TBC1D19: variants seen among roughly 807,000 people sequenced by gnomAD.
The protein encoded by TBC1D19 is TBC1 domain family member 19, also known as TBC1 domain family, member 19.
In TBC1D19, 60 loss-of-function variants were observed where a neutral mutation model predicts 89.0. That is an observed-to-expected ratio of 0.67 (90% CI 0.55 to 0.84). The LOEUF (loss-of-function observed/expected upper bound fraction) is 0.84, where lower values mean the gene tolerates loss of function less well. Ranked by LOEUF, TBC1D19 falls within the 40% of genes least tolerant of loss-of-function variation. The pLI, the probability that TBC1D19 is intolerant of heterozygous loss-of-function variation, is 0.00. For missense variants in TBC1D19, 500 were observed against 610.8 expected, an observed-to-expected ratio of 0.82 and a Z score of 1.91; for synonymous variants, 189 against 199.7, an observed-to-expected ratio of 0.95 and a Z score of 0.45.
At chr4:26,806,449 A>G in the TBC1D19 span, among the ~76,000 whole-genome samples, 1 of 152,180 alleles carries the variant, frequency 6.6e-6, no homozygotes, top group Non-Finnish European at 1.5e-5. Context: ...AGTTCAATCA[A>G]TGTCAGATAT....
intron 4 of TBC1D19, among the ~76,000 whole-genome samples, chr4:26,621,822 T>C (rs1742066387): frequency 6.6e-6 from 1 of 152,008 alleles, no homozygotes; most frequent in Admixed American, 6.6e-5. Context: ...TTTTTTTTGT[T>C]ATAAAGATTT....
chr4:26,587,576 CAAAAA>C (rs34107105), intron 1 of TBC1D19, among the ~76,000 whole-genome samples: 2 of 119,004 alleles, frequency 1.7e-5, no homozygotes, highest in South Asian at 2.8e-4. Context: ...GACCTTGTCT[CAAAAA>C]AAAAAAAAAA....
At chr4:26,672,231 C>T in intron 10 of TBC1D19, 44 bp downstream of exon 10, 1 of 1,289,038 alleles carries the variant, frequency 7.8e-7, no homozygotes. Context: ...AAAAGTGAGA[C>T]AGTCCCAGCT....
chr4:26,821,934 A>G, the TBC1D19 span, among the ~76,000 whole-genome samples: 7 of 152,216 alleles, frequency 4.6e-5, no homozygotes, highest in Non-Finnish European at 1.0e-4. Context: ...TTGACATTTT[A>G]TGACACTTTG....
intron 9 of TBC1D19, among the ~76,000 whole-genome samples, chr4:26,667,254 A>G (rs1364139615): frequency 1.3e-5 from 2 of 152,042 alleles, no homozygotes; most frequent in Non-Finnish European, 2.9e-5. Flanking sequence ...CATATAAAAG[A>G]ATACATCTAT....
chr4:26,609,714 G>T (rs1402004378), intron 1 of TBC1D19, among the ~76,000 whole-genome samples: 1 of 152,142 alleles, frequency 6.6e-6, no homozygotes, highest in Non-Finnish European at 1.5e-5. Flanking sequence ...TAGACTTCTT[G>T]TGTAAGCTGT....
At chr4:26,676,960 C>T (rs1227127429) in intron 11 of TBC1D19, among the ~76,000 whole-genome samples, 2 of 152,114 alleles carry the variant, frequency 1.3e-5, no homozygotes, top group African/African-American at 4.8e-5. Context: ...TACCTCAAAT[C>T]TATATGCCTT....
At chr4:26,833,455 C>T in the TBC1D19 span, among the ~76,000 whole-genome samples, 1 of 152,194 alleles carries the variant, frequency 6.6e-6, no homozygotes, top group Admixed American at 6.5e-5. Flanking sequence ...TGGTAGTCAA[C>T]TCCTCTGGCC....
the TBC1D19 span, among the ~76,000 whole-genome samples, chr4:26,766,183 A>C: frequency 6.6e-6 from 1 of 152,202 alleles, no homozygotes; most frequent in African/African-American, 2.4e-5. Context: ...GAAAGAACTG[A>C]ATACATGTCT....
chr4:26,719,747 G>A (rs1397867015), intron 14 of TBC1D19, among the ~76,000 whole-genome samples: 1 of 152,064 alleles, frequency 6.6e-6, no homozygotes. Flanking sequence ...TTAATGAATA[G>A]ATTAGACTTA....
intron 7 of TBC1D19, among the ~76,000 whole-genome samples, chr4:26,645,732 G>T (rs1743871374): frequency 6.6e-6 from 1 of 152,118 alleles, no homozygotes; most frequent in Non-Finnish European, 1.5e-5. Flanking sequence ...TACAGAATGG[G>T]AGAAAATTTT....
chr4:26,651,436 C>A lies in TBC1D19; in HGVS notation c.481-8161C>A, dbSNP rs564878673. ...CTCCTTCAAGAGGTCCTTCACATCCCTTGTAAGTTGGATTCCTAGGTATTT... is the reference window on the plus strand; with the variant it reads ...CTCCTTCAAGAGGTCCTTCACATCCATTGTAAGTTGGATTCCTAGGTATTT... On this transcript the variant is annotated intron_variant, in intron 7 of 20. Coordinates refer to ENST00000264866, the MANE Select transcript of TBC1D19 (RefSeq NM_018317.4). Among the ~76,000 whole-genome samples the A allele has an allele frequency of 3.9e-5, 6 of 152,234 alleles. No individual in the cohort carries two copies. The East Asian group carries it at 1.2e-3, about 29-fold the overall frequency.
intron 15 of TBC1D19, among the ~76,000 whole-genome samples, chr4:26,727,973 A>C (rs1171019951): frequency 6.6e-6 from 1 of 152,188 alleles, no homozygotes; most frequent in Non-Finnish European, 1.5e-5. Flanking sequence ...GAAGCTATAG[A>C]TTTCAGAACT....
At chr4:26,662,196 C>T (rs757383372) in intron 8 of TBC1D19, among the ~76,000 whole-genome samples, 3 of 152,104 alleles carry the variant, frequency 2.0e-5, no homozygotes, top group Non-Finnish European at 4.4e-5. Context: ...ACATGTTAAC[C>T]ATTTATTCCC....
the TBC1D19 span, among the ~76,000 whole-genome samples, chr4:26,789,721 A>G: frequency 3.3e-5 from 5 of 152,228 alleles, no homozygotes; most frequent in African/African-American, 1.2e-4. Context: ...CCAAGGCAAA[A>G]GAAATCATTT....
chr4:26,684,047 A>G (rs1408631785), intron 12 of TBC1D19, among the ~76,000 whole-genome samples: 2 of 152,160 alleles, frequency 1.3e-5, no homozygotes, highest in African/African-American at 4.8e-5. Context: ...ACCAAGTAAA[A>G]AGGCAACTGA....
chr4:26,806,509 T>G, the TBC1D19 span, among the ~76,000 whole-genome samples: 1 of 152,216 alleles, frequency 6.6e-6, no homozygotes, highest in African/African-American at 2.4e-5. Context: ...TGTGTCTGCC[T>G]CCTCAGTAAC....
intron 7 of TBC1D19, among the ~76,000 whole-genome samples, chr4:26,644,409 G>C (rs1202146512): frequency 6.6e-6 from 1 of 152,164 alleles, no homozygotes; most frequent in African/African-American, 2.4e-5. Flanking sequence ...ACTAGGTATT[G>C]ATGGAACGTA....
rs869124166 is a variant in TBC1D19, at chr4:26,590,796, G to GTTTTTTTTTTTTTTTTTTTTT, written c.99+6515_99+6535dup. 9.4e-4 allele frequency among the ~76,000 whole-genome samples: 50 copies of GTTTTTTTTTTTTTTTTTTTTT among 52,956 alleles called. 7 individuals carry two copies. The highest frequency in any genetic ancestry group is 2.2e-3 in the East Asian group (3 of 1,346). 34.7% of individuals were successfully genotyped at this position (52,956 alleles called of 152,430 possible). ...GGTTCACTCTTTGTCTTGCAGGTCT[G>GTTTTTTTTTTTTTTTTTTTTT]TTTTTTTTTTTTTTTTTTTTTTTTT... On this transcript the variant is annotated intron_variant, in intron 1 of 20. Coordinates refer to ENST00000264866, the MANE Select transcript of TBC1D19 (RefSeq NM_018317.4).
Sources: allele counts gnomAD v4.1 joint callset (sites outside exome capture counted in the v4.1 genomes callset), GRCh38; gene constraint gnomAD v4.1.1; transcripts MANE v1.5; gene names NCBI Gene and HGNC (gene_info 2026-07-23, HGNC 2026-07-21).